The following PAX9 variants were observed in gnomAD, a reference collection of about 807,000 sequenced individuals.
PAX9 encodes paired box protein Pax-9.
Under a neutral mutation model 29.1 loss-of-function variants are expected in PAX9, and 6 were observed. The observed-to-expected ratio is 0.21, with a 90% CI of 0.11 to 0.41. The LOEUF (loss-of-function observed/expected upper bound fraction) is 0.41. Ranked by LOEUF, PAX9 falls within the 10% of genes least tolerant of loss-of-function variation. PAX9 has a pLI of 1.00. For missense variants in PAX9, 443 were observed against 479.1 expected, an observed-to-expected ratio of 0.92 and a Z score of 0.70; for synonymous variants, 217 against 211.7, an observed-to-expected ratio of 1.03 and a Z score of -0.22.
In PAX9 at chr14:36,663,327, G is replaced by A. The variant is rs1334622970; in HGVS notation, c.435G>A (p.Gln145=). 2.5e-6 allele frequency: 4 copies of A among 1,614,000 alleles called. No individual in the cohort carries two copies. The Admixed American group carries it at 5.0e-5, about 20-fold the overall frequency. ...AGGGTCATTACGACTCATACAAGCAGCACCAGCCGACGCCGCAGCCAGCGC... is the reference window on the plus strand; with the variant it reads ...AGGGTCATTACGACTCATACAAGCAACACCAGCCGACGCCGCAGCCAGCGC... The part of the protein sequence containing the change: ...AQQGHYDSYK[Q]HQPTPQPALP... Residue 145 remains glutamine (Q), a synonymous_variant, in exon 2 of 4, where the codon CAG becomes CAA. Coordinates refer to ENST00000361487, the MANE Select transcript of PAX9 (RefSeq NM_001372076.1).
rs761540057 is a variant in PAX9, at chr14:36,666,444, C to T, written c.632-18C>T. The stretch of plus-strand genomic sequence containing the variant: ...CGGGCTGGGCCTCCGGCCTGACACC[C>T]TCTCTTCTCTCCATCAGTGAGCGAC... On this transcript the variant is annotated intron_variant, in intron 2 of 3. Transcript: ENST00000361487. The T allele has an allele frequency of 1.2e-6, 2 of 1,609,024 alleles. No individual in the cohort carries two copies. Among genetic ancestry groups the T allele is most frequent in the Non-Finnish European group, 1.7e-6 (2 of 1,178,336 alleles).
At chr14:36,671,299 C>T (rs8004187) in intron 3 of PAX9, among the ~76,000 whole-genome samples, 83,562 of 151,874 alleles carry the variant, frequency 0.55, 24,117 homozygotes, top group East Asian at 0.75. Context: ...TAACCTCTAA[C>T]TGCCAGACAT....
In PAX9 at chr14:36,662,108, G is replaced by A; in HGVS notation, c.4+15G>A. ...CGGAGCAATGGGTGAGTGGCGGCGG[G>A]GGACTCTGTCAGAGCCGGGAAGGGA... is the stretch of plus-strand genomic sequence containing the variant. On this transcript the variant is annotated intron_variant, in intron 1 of 3. Transcript: ENST00000361487. 2 of 1,536,980 alleles carry A rather than the reference G, an allele frequency of 1.3e-6. No homozygotes were observed. Among genetic ancestry groups the A allele is most frequent in the East Asian group, 2.6e-5 (1 of 39,192 alleles).
At chr14:36,674,697 T>C (rs964609935) in intron 3 of PAX9, among the ~76,000 whole-genome samples, 4 of 152,238 alleles carry the variant, frequency 2.6e-5, no homozygotes, top group African/African-American at 7.2e-5. Flanking sequence ...GGATATTTCT[T>C]GGTGCCTGGG....
Position 36,676,675 on chromosome 14 carries a change from A to G in PAX9, c.*223A>G. ...CATGACTTTAGGATTTAAAAACAAG[A>G]GCAACAATAAGCATTGAATGAGACA... On this transcript the variant is annotated 3_prime_UTR_variant, in exon 4 of 4. Transcript: ENST00000361487. 1 of 590,874 alleles carries G rather than the reference A, an allele frequency of 1.7e-6. No homozygotes were observed. Among genetic ancestry groups the G allele is most frequent in the Non-Finnish European group, 3.0e-6 (1 of 330,232 alleles). 36.6% of individuals were successfully genotyped at this position (590,874 alleles called of 1,614,324 possible). A position where few individuals can be genotyped will look rare whatever the true frequency, so the allele number is the denominator to read the frequency against.
intron 3 of PAX9, among the ~76,000 whole-genome samples, chr14:36,672,296 T>C (rs1364096320): frequency 6.6e-6 from 1 of 151,640 alleles, no homozygotes; most frequent in Non-Finnish European, 1.5e-5. Context: ...GATTTGGTAG[T>C]CTCTACTCAG....
Position 36,663,590 on chromosome 14 carries a change from G to A in PAX9, c.631+67G>A, listed in dbSNP as rs943741670. ...CCCCCGCACTCTCGCGGAGGTCCCA[G>A]TATCTGCAGCCTCAGGGACACTGTC... On this transcript the variant is annotated intron_variant, in intron 2 of 3. Transcript: ENST00000361487. The A allele has an allele frequency of 1.8e-5, 28 of 1,589,708 alleles. No individual in the cohort carries two copies. In the East Asian group the frequency reaches 6.1e-4, roughly 35 times the overall value.
chr14:36,673,799 A>G (rs974117233), intron 3 of PAX9, among the ~76,000 whole-genome samples: 10 of 152,216 alleles, frequency 6.6e-5, no homozygotes, highest in Admixed American at 3.3e-4. Context: ...TCTGCCATGT[A>G]TAATATTAAA....
intron 3 of PAX9, among the ~76,000 whole-genome samples, chr14:36,673,535 G>T (rs889403530): frequency 6.6e-6 from 1 of 152,212 alleles, no homozygotes; most frequent in African/African-American, 2.4e-5. Context: ...TCTTCCAAGT[G>T]GGTCCATGTA....
rs372555719 is a variant in PAX9, at chr14:36,678,974, A to C, written c.*2522A>C. 1.2e-5 allele frequency: 12 copies of C among 982,104 alleles called. No homozygotes were observed. The East Asian group carries it at 5.7e-4, about 47-fold the overall frequency. 60.8% of individuals were successfully genotyped at this position (982,104 alleles called of 1,614,324 possible). The stretch of plus-strand genomic sequence containing the variant: ...TAAAGATTATTATTGGTTAATGTTG[A>C]CATATTTCCTCTATCTCATAGATGG... On this transcript the variant is annotated 3_prime_UTR_variant, in exon 4 of 4. Transcript: ENST00000361487.
rs756657081 is a variant in PAX9, at chr14:36,676,378, C to T, written c.952C>T (p.Pro318Ser). Residue 318 changes from proline (P) to serine (S), a missense_variant, in exon 4 of 4, where the codon CCG (proline) becomes TCG (serine). Pro to Ser is a moderately conservative substitution (Grantham distance 74). Transcript: ENST00000361487. ...ATTGTCTCCCCACAACTGTGACATT[C>T]CGGCATCGCTGGCGTTCAAGGGAAT... is the stretch of plus-strand genomic sequence containing the variant. ...TSLSPHNCDI[P>S]ASLAFKGMQA... 1 of 1,614,144 alleles carries T rather than the reference C, an allele frequency of 6.2e-7. No individual in the cohort carries two copies. Among genetic ancestry groups the T allele is most frequent in the South Asian group, 1.1e-5 (1 of 91,080 alleles).
intron 3 of PAX9, among the ~76,000 whole-genome samples, chr14:36,668,996 C>T (rs142326980): frequency 6.6e-6 from 1 of 151,908 alleles, no homozygotes; most frequent in Non-Finnish European, 1.5e-5. Context: ...CTTACATTTG[C>T]GAAGTTCTTA....
rs768375990 is a variant in PAX9, at chr14:36,663,114, C to T, written c.222C>T (p.Ser74=). The T allele has an allele frequency of 3.7e-6, 6 of 1,613,898 alleles. No homozygotes were observed. Among genetic ancestry groups the T allele is most frequent in the Non-Finnish European group, 3.4e-6 (4 of 1,180,038 alleles). Residue 74 remains serine (S), a synonymous_variant, in exon 2 of 4, where the codon AGC becomes AGT. Coordinates refer to ENST00000361487, the MANE Select transcript of PAX9 (RefSeq NM_001372076.1). ...GSILPGAIGG[S]KPRVTTPTVV... ...TCTTGCCAGGAGCCATCGGGGGCAGCAAGCCCCGGGTCACTACCCCCACCG... is the reference window on the plus strand; with the variant it reads ...TCTTGCCAGGAGCCATCGGGGGCAGTAAGCCCCGGGTCACTACCCCCACCG...
rs1881345947 is a variant in PAX9, at chr14:36,663,118, C to T, written c.226C>T (p.Pro76Ser). 6.2e-7 allele frequency: 1 copy of T among 1,613,984 alleles called. No individual in the cohort carries two copies. Among genetic ancestry groups the T allele is most frequent in the Non-Finnish European group, 8.5e-7 (1 of 1,180,032 alleles). ...GCCAGGAGCCATCGGGGGCAGCAAG[C>T]CCCGGGTCACTACCCCCACCGTGGT... ...ILPGAIGGSK[P>S]RVTTPTVVKH... The change falls in exon 2 of 4, where the codon CCC becomes TCC. Residue 76 changes from proline (P) to serine (S), a missense_variant. Pro to Ser is a moderately conservative substitution (Grantham distance 74). Around this residue, in one of 2 missense-constraint regions of PAX9, gnomAD observed 107 missense variants for 161.9 expected, o/e 0.66. Coordinates refer to ENST00000361487, the MANE Select transcript of PAX9 (RefSeq NM_001372076.1).
At chr14:36,666,664 C>T in intron 3 of PAX9, 63 bp downstream of exon 3, 2 of 1,535,608 alleles carry the variant, frequency 1.3e-6, no homozygotes, top group Non-Finnish European at 1.8e-6. Flanking sequence ...CGATGGAACA[C>T]TTTGTGATGG....
intron 2 of PAX9, 157 bp from the exon 3 acceptor site, chr14:36,666,304 GA>G: frequency 1.2e-6 from 1 of 831,270 alleles, no homozygotes; most frequent in Non-Finnish European, 1.8e-6. Flanking sequence ...GGAAGCACAG[GA>G]GGTCGCGGCT....
At chr14:36,665,468 G>A (rs937066615) in intron 2 of PAX9, among the ~76,000 whole-genome samples, 1 of 152,038 alleles carries the variant, frequency 6.6e-6, no homozygotes, top group Non-Finnish European at 1.5e-5. Context: ...TCCACCCATA[G>A]GACCCAAAGA....
At chr14:36,665,163 T>C (rs1476423060) in intron 2 of PAX9, among the ~76,000 whole-genome samples, 3 of 58,002 alleles carry the variant, frequency 5.2e-5, no homozygotes, top group African/African-American at 2.3e-4. Flanking sequence ...GGAGGAGACA[T>C]AGTGAAAAAA....
Position 36,676,432 on chromosome 14 carries a change from G to A in PAX9, c.1006G>A (p.Val336Ile). Residue 336 changes from valine (V) to isoleucine (I), a missense_variant, in exon 4 of 4, where the codon GTC (valine) becomes ATC (isoleucine). Val to Ile is a conservative substitution (Grantham distance 29). Transcript: ENST00000361487. ...GGCAGCCAGAGAAGGTAGTCATTCTGTCACGGCTTCCGCGCTCTGATGGGA... is the reference window on the plus strand; with the variant it reads ...GGCAGCCAGAGAAGGTAGTCATTCTATCACGGCTTCCGCGCTCTGATGGGA... ...MQAAREGSHS[V>I]TASAL is the part of the protein sequence containing the mutation. 6.2e-7 allele frequency: 1 copy of A among 1,613,754 alleles called. No individual in the cohort carries two copies.
Sources: allele counts gnomAD v4.1 joint callset (sites outside exome capture counted in the v4.1 genomes callset), GRCh38; gene constraint gnomAD v4.1.1; regional missense constraint gnomAD v4.1.1; transcripts MANE v1.5; gene names NCBI Gene and HGNC (gene_info 2026-07-23, HGNC 2026-07-21).